Variants in PPP3CA observed in about 807,000 individuals in gnomAD.
PPP3CA encodes the protein CAM-PRP catalytic subunit.
PPP3CA carries 14 observed loss-of-function variants against 66.5 expected under a neutral mutation model. The ratio of observed to expected loss-of-function variants is 0.21; its 90% CI spans 0.14 to 0.33. The LOEUF (loss-of-function observed/expected upper bound fraction) is 0.33. PPP3CA is among the 10% of genes least tolerant of loss of function. The pLI is 1.00. For synonymous variants in PPP3CA, 232 were observed against 226.2 expected, an observed-to-expected ratio of 1.03 and a Z score of -0.23; for missense variants, 317 against 639.5, an observed-to-expected ratio of 0.50 and a Z score of 5.44.
chr4:101,194,461 A>G (rs1724720969), intron 2 of PPP3CA, among the ~76,000 whole-genome samples: 1 of 152,234 alleles, frequency 6.6e-6, no homozygotes, highest in Non-Finnish European at 1.5e-5. Context: ...ATAATATTTA[A>G]GAGGAAAATA....
intron 2 of PPP3CA, among the ~76,000 whole-genome samples, chr4:101,127,770 A>G (rs2110279699): frequency 6.6e-6 from 1 of 152,354 alleles, no homozygotes; most frequent in African/African-American, 2.4e-5. Flanking sequence ...CAACAACAAC[A>G]TTTTGAGTCT....
chr4:101,110,171 T>C (rs1415469062), intron 2 of PPP3CA, among the ~76,000 whole-genome samples: 3 of 152,218 alleles, frequency 2.0e-5, no homozygotes, highest in Non-Finnish European at 1.5e-5. Flanking sequence ...TGGCTGCTTC[T>C]GCAACACTAA....
chr4:101,330,233 T>G, intron 1 of PPP3CA: 2 of 421,542 alleles, frequency 4.7e-6, no homozygotes, highest in Non-Finnish European at 9.3e-6. Context: ...GGTAGAAATA[T>G]CAAGAGAACT....
chr4:101,150,999 T>TA (rs2110298443), intron 2 of PPP3CA, among the ~76,000 whole-genome samples: 1 of 152,292 alleles, frequency 6.6e-6, no homozygotes, highest in East Asian at 1.9e-4. Flanking sequence ...AAGAAAAAGG[T>TA]ATAATCAAAA....
intron 8 of PPP3CA, among the ~76,000 whole-genome samples, chr4:101,073,272 T>G (rs746298281): frequency 2.0e-5 from 3 of 150,566 alleles, no homozygotes; most frequent in Non-Finnish European, 4.4e-5. Flanking sequence ...ATATACACAC[T>G]TACATACTTT....
chr4:101,074,374 GA>G (rs1473458420), intron 8 of PPP3CA, among the ~76,000 whole-genome samples: 4 of 152,136 alleles, frequency 2.6e-5, no homozygotes, highest in African/African-American at 7.2e-5. Context: ...ATAAGTTTGT[GA>G]AAAATATTCC....
At chr4:101,266,714 T>C (rs888063544) in intron 1 of PPP3CA, among the ~76,000 whole-genome samples, 3 of 152,166 alleles carry the variant, frequency 2.0e-5, no homozygotes, top group Non-Finnish European at 4.4e-5. Context: ...GGTCTAGCAA[T>C]TGAACCTGAG....
chr4:101,114,802 T>G (rs1721789507), intron 2 of PPP3CA, among the ~76,000 whole-genome samples: 1 of 152,052 alleles, frequency 6.6e-6, no homozygotes, highest in Admixed American at 6.6e-5. Context: ...GTTGAAGCAT[T>G]TTGAGGTTTG....
At chr4:101,182,118 C>T (rs1215932383) in intron 2 of PPP3CA, among the ~76,000 whole-genome samples, 1 of 152,022 alleles carries the variant, frequency 6.6e-6, no homozygotes, top group East Asian at 1.9e-4. Context: ...GACCTATCAA[C>T]TTTTAAGGTG....
intron 1 of PPP3CA, among the ~76,000 whole-genome samples, chr4:101,197,769 T>C (rs1354785): frequency 0.21 from 31,344 of 152,022 alleles, 4,516 homozygotes; most frequent in African/African-American, 0.39. Context: ...ATAACATTAC[T>C]GTACAGGAGA....
At chr4:101,207,354 C>T (rs912994595) in intron 1 of PPP3CA, among the ~76,000 whole-genome samples, 14 of 152,056 alleles carry the variant, frequency 9.2e-5, no homozygotes, top group African/African-American at 3.4e-4. Flanking sequence ...CTTGCAATAT[C>T]CAAGACTTAA....
At chr4:101,240,573 C>T (rs149380962) in intron 1 of PPP3CA, among the ~76,000 whole-genome samples, 128 of 151,732 alleles carry the variant, frequency 8.4e-4, no homozygotes, top group East Asian at 3.3e-3. Context: ...AAATCAGATA[C>T]GCAAACAGGA....
intron 1 of PPP3CA, among the ~76,000 whole-genome samples, chr4:101,221,933 A>G (rs1185804378): frequency 1.3e-5 from 2 of 151,614 alleles, no homozygotes; most frequent in African/African-American, 2.4e-5. Context: ...CATTCTTAAT[A>G]TTACCCAAAC....
At chr4:101,133,245 G>C (rs1248672967) in intron 2 of PPP3CA, among the ~76,000 whole-genome samples, 4 of 152,138 alleles carry the variant, frequency 2.6e-5, no homozygotes, top group African/African-American at 9.7e-5. Flanking sequence ...GGAAGTTCTG[G>C]CCAGGGCAGT....
chr4:101,304,903 G>C (rs565376372), intron 1 of PPP3CA, among the ~76,000 whole-genome samples: 1 of 152,208 alleles, frequency 6.6e-6, no homozygotes, highest in African/African-American at 2.4e-5. Context: ...AAACAGGCCA[G>C]TCAGTCTGGC....
chr4:101,140,541 T>C (rs1174357782), intron 2 of PPP3CA, among the ~76,000 whole-genome samples: 1 of 152,154 alleles, frequency 6.6e-6, no homozygotes, highest in African/African-American at 2.4e-5. Context: ...ATCAGTATTA[T>C]CTTCTCTGGG....
intron 1 of PPP3CA, among the ~76,000 whole-genome samples, chr4:101,201,367 T>G (rs1199550157): frequency 6.6e-6 from 1 of 152,254 alleles, no homozygotes; most frequent in Non-Finnish European, 1.5e-5. Context: ...AATTGCTTTT[T>G]TAAAAGATGA....
chr4:101,086,753 G>C (rs1578433010), intron 6 of PPP3CA, among the ~76,000 whole-genome samples: 1 of 152,162 alleles, frequency 6.6e-6, no homozygotes, highest in East Asian at 1.9e-4. Flanking sequence ...ATGTTGTAGT[G>C]TAAATTATAT....
chr4:101,210,521 T>C (rs13130412), intron 1 of PPP3CA, among the ~76,000 whole-genome samples: 84,932 of 151,894 alleles, frequency 0.56, 24,482 homozygotes, highest in Middle Eastern at 0.7. Context: ...GCTTGGCCCA[T>C]TACTGGCACA....
Sources: gnomAD v4.1 joint callset for allele counts (sites outside exome capture counted in the v4.1 genomes callset) on GRCh38, gnomAD v4.1.1 for gene constraint, MANE v1.5 for transcripts, NCBI Gene and HGNC (gene_info 2026-07-23, HGNC 2026-07-21) for gene names.